Variants in MAP4K4 observed in about 807,000 individuals in gnomAD.
MAP4K4 encodes HPK/GCK-like kinase HGK.
In MAP4K4, 38 loss-of-function variants were observed where a neutral mutation model predicts 189.6. The ratio of observed to expected loss-of-function variants is 0.20; its 90% confidence interval spans 0.15 to 0.26. MAP4K4 has a LOEUF of 0.26. Among genes scored for constraint, MAP4K4 ranks in the 10% least tolerant of loss-of-function variants. The pLI is 1.00. For synonymous variants in MAP4K4, 610 were observed against 624.3 expected, an observed-to-expected ratio of 0.98 and a Z score of 0.34; for missense variants, 1,054 against 1,726.9, an observed-to-expected ratio of 0.61 and a Z score of 6.91.
intron 3 of MAP4K4, among the ~76,000 whole-genome samples, chr2:101,820,283 T>C (rs1438268623): frequency 6.6e-6 from 1 of 152,138 alleles, no homozygotes; most frequent in Non-Finnish European, 1.5e-5. Flanking sequence ...ACAATGACCC[T>C]GGAAATAGTT....
chr2:101,777,606 C>T (rs1335739404), intron 2 of MAP4K4, among the ~76,000 whole-genome samples: 1 of 152,214 alleles, frequency 6.6e-6, no homozygotes, highest in Non-Finnish European at 1.5e-5. Flanking sequence ...GCAACCTCCC[C>T]ATCTCTCGCA....
chr2:101,729,968 C>CT (rs2057670459), intron 2 of MAP4K4, among the ~76,000 whole-genome samples: 1 of 152,146 alleles, frequency 6.6e-6, no homozygotes, highest in Non-Finnish European at 1.5e-5. Context: ...AGGAACCTGT[C>CT]TTTGTGTCTC....
intron 3 of MAP4K4, among the ~76,000 whole-genome samples, chr2:101,796,446 C>T (rs530628469): frequency 3.3e-5 from 5 of 152,304 alleles, no homozygotes; most frequent in South Asian, 2.1e-4. Context: ...AGCTCAGAGA[C>T]GCTAATAACT....
intron 2 of MAP4K4, among the ~76,000 whole-genome samples, chr2:101,773,744 C>CGTAA (rs1175730494): frequency 6.6e-6 from 1 of 152,164 alleles, no homozygotes; most frequent in Non-Finnish European, 1.5e-5. Context: ...ACCACACTTA[C>CGTAA]CTTCCCAGCC....
intron 2 of MAP4K4, among the ~76,000 whole-genome samples, chr2:101,710,159 T>TAC (rs2044606225): frequency 6.6e-6 from 1 of 152,242 alleles, no homozygotes. Context: ...TAATAATTTG[T>TAC]TGGAGATCCC....
intron 2 of MAP4K4, among the ~76,000 whole-genome samples, chr2:101,748,143 T>A (rs1161016277): frequency 2.6e-5 from 4 of 152,174 alleles, no homozygotes; most frequent in African/African-American, 9.7e-5. Context: ...TTCATAGAAT[T>A]TTTGAGAGAA....
chr2:101,718,344 T>C (rs1224815335), intron 2 of MAP4K4, among the ~76,000 whole-genome samples: 1 of 152,110 alleles, frequency 6.6e-6, no homozygotes, highest in Non-Finnish European at 1.5e-5. Flanking sequence ...TTATTTTGCA[T>C]GTGCATGGAG....
chr2:101,711,310 C>CTTT (rs148652852), intron 2 of MAP4K4, among the ~76,000 whole-genome samples: 3 of 147,976 alleles, frequency 2.0e-5, no homozygotes, highest in East Asian at 2.0e-4. Context: ...AGTTTTTTTG[C>CTTT]TTTTTTTTTT....
chr2:101,745,674 C>G (rs2065129389), intron 2 of MAP4K4, among the ~76,000 whole-genome samples: 1 of 152,018 alleles, frequency 6.6e-6, no homozygotes, highest in Non-Finnish European at 1.5e-5. Context: ...AGAATGTATG[C>G]AAACAGCCAT....
intron 7 of MAP4K4, 93 bp from the exon 8 acceptor site, chr2:101,834,316 T>G: frequency 1.0e-6 from 1 of 961,198 alleles, no homozygotes; most frequent in Non-Finnish European, 1.6e-6. Context: ...TTCCTTTTGG[T>G]TTATATAGCA....
intron 3 of MAP4K4, among the ~76,000 whole-genome samples, chr2:101,810,905 T>C (rs1033343934): frequency 2.9e-4 from 44 of 152,194 alleles, no homozygotes; most frequent in Admixed American, 2.2e-3. Flanking sequence ...AGCTGTTGAA[T>C]GTGCACAAGT....
intron 2 of MAP4K4, among the ~76,000 whole-genome samples, chr2:101,707,682 T>G (rs13396391): frequency 0.027 from 2,172 of 80,216 alleles, 55 homozygotes; most frequent in African/African-American, 0.067. Flanking sequence ...CCAGCTAAGT[T>G]TTTTTTTTTT....
chr2:101,743,311 A>G (rs1558682465), intron 2 of MAP4K4, among the ~76,000 whole-genome samples: 1 of 152,140 alleles, frequency 6.6e-6, no homozygotes, highest in African/African-American at 2.4e-5. Flanking sequence ...TTGGTAAGCA[A>G]TATTTCTAAC....
intron 2 of MAP4K4, among the ~76,000 whole-genome samples, chr2:101,712,966 C>T (rs1193252537): frequency 1.4e-5 from 2 of 141,932 alleles, no homozygotes; most frequent in East Asian, 2.2e-4. Context: ...GCAGTGGGCA[C>T]CATCTTGGCT....
At chr2:101,740,453 C>CAAAGTT (rs2062230154) in intron 2 of MAP4K4, among the ~76,000 whole-genome samples, 1 of 102,540 alleles carries the variant, frequency 9.8e-6, no homozygotes, top group African/African-American at 1.6e-4. Context: ...CGCGCCCGGC[C>CAAAGTT]GCTTTATATC....
chr2:101,838,013 C>T (rs1165468393), intron 9 of MAP4K4, among the ~76,000 whole-genome samples: 1 of 152,142 alleles, frequency 6.6e-6, no homozygotes, highest in Non-Finnish European at 1.5e-5. Flanking sequence ...GTCCTTCTTC[C>T]TTTGTGATTG....
chr2:101,894,440 CT>C (rs1038232048), exon 33 of MAP4K4: 1 of 152,686 alleles, frequency 6.5e-6, no homozygotes, highest in African/African-American at 2.4e-5. Context: ...TTTTAAGTGA[CT>C]TTTTATGGGT....
chr2:101,785,699 T>C (rs1558913704), intron 2 of MAP4K4, among the ~76,000 whole-genome samples: 4 of 5,130 alleles, frequency 7.8e-4, no homozygotes, highest in Non-Finnish European at 1.2e-3. Context: ...TCTCTCTCTC[T>C]CTCTCTCTCT....
chr2:101,716,129 A>G (rs1281385304), intron 2 of MAP4K4, among the ~76,000 whole-genome samples: 1 of 152,224 alleles, frequency 6.6e-6, no homozygotes, highest in Non-Finnish European at 1.5e-5. Flanking sequence ...TAAATAGCAT[A>G]TTCATTAGTA....
Sources: allele counts gnomAD v4.1 joint callset (sites outside exome capture counted in the v4.1 genomes callset), GRCh38; gene constraint gnomAD v4.1.1; transcripts MANE v1.5; gene names NCBI Gene and HGNC (gene_info 2026-07-23, HGNC 2026-07-21).